PCSK5: variants seen among roughly 807,000 people sequenced by gnomAD.
PCSK5 encodes prohormone convertase 5.
PCSK5 carries 129 observed loss-of-function variants against 233.2 expected under a neutral mutation model. The observed-to-expected ratio is 0.55, with a 90% CI of 0.48 to 0.64. The LOEUF (loss-of-function observed/expected upper bound fraction) is 0.64, where lower values mean the gene tolerates loss of function less well. Among genes scored for constraint, PCSK5 ranks in the 30% least tolerant of loss-of-function variants. The pLI is 0.00. For synonymous variants in PCSK5, 825 were observed against 879.2 expected, an observed-to-expected ratio of 0.94 and a Z score of 1.09; for missense variants, 2,076 against 2,430.1, an observed-to-expected ratio of 0.85 and a Z score of 3.06.
intron 1 of PCSK5, among the ~76,000 whole-genome samples, chr9:75,929,591 T>G (rs1378084220): frequency 6.6e-6 from 1 of 151,646 alleles, no homozygotes. Flanking sequence ...GTGCCGCAGG[T>G]GGAGGGAGCA....
At chr9:75,931,987 G>A (rs1401455712) in intron 1 of PCSK5, among the ~76,000 whole-genome samples, 1 of 152,144 alleles carries the variant, frequency 6.6e-6, no homozygotes, top group East Asian at 1.9e-4. Flanking sequence ...ACATTTCTCA[G>A]AGCAAACAAA....
At chr9:76,303,048 T>G (rs1020116994) in intron 28 of PCSK5, among the ~76,000 whole-genome samples, 1 of 112,354 alleles carries the variant, frequency 8.9e-6, no homozygotes, top group African/African-American at 3.2e-5. Context: ...CGGTTAAAAT[T>G]TACTTGTTGA....
intron 20 of PCSK5, among the ~76,000 whole-genome samples, chr9:76,196,991 C>G (rs1343461529): frequency 1.3e-5 from 2 of 152,156 alleles, no homozygotes; most frequent in Non-Finnish European, 2.9e-5. Flanking sequence ...TTGGACTGGT[C>G]AGTTCCCTAA....
At chr9:76,316,466 G>A (rs894954904) in intron 30 of PCSK5, among the ~76,000 whole-genome samples, 1 of 151,866 alleles carries the variant, frequency 6.6e-6, no homozygotes, top group Non-Finnish European at 1.5e-5. Context: ...AGGTACACCT[G>A]TAATCCCAGC....
intron 2 of PCSK5, among the ~76,000 whole-genome samples, chr9:75,968,349 G>T (rs58107632): frequency 0.14 from 20,969 of 152,198 alleles, 1,507 homozygotes; most frequent in East Asian, 0.26. Flanking sequence ...TATATCGCTC[G>T]CGCGTTAACA....
At chr9:76,347,902 T>G (rs1587362314) in intron 35 of PCSK5, among the ~76,000 whole-genome samples, 1 of 152,290 alleles carries the variant, frequency 6.6e-6, no homozygotes, top group East Asian at 1.9e-4. Context: ...AAATTATAAT[T>G]ATATATATTT....
At chr9:75,968,577 C>CT (rs1825692164) in intron 2 of PCSK5, among the ~76,000 whole-genome samples, 1 of 152,170 alleles carries the variant, frequency 6.6e-6, no homozygotes, top group African/African-American at 2.4e-5. Context: ...GGAAGATGCC[C>CT]TCACCTAGAA....
chr9:76,171,880 T>A (rs1201058030), intron 13 of PCSK5, among the ~76,000 whole-genome samples: 1 of 152,104 alleles, frequency 6.6e-6, no homozygotes, highest in Non-Finnish European at 1.5e-5. Context: ...AACCTTTCAT[T>A]TCAGGATTAG....
Position 76,169,672 on chromosome 9 carries a change from A to G in PCSK5, c.1620-32A>G, listed in dbSNP as rs781302224. On this transcript the variant is annotated intron_variant, in intron 12 of 37. Coordinates refer to ENST00000674117, the MANE Select transcript of PCSK5 (RefSeq NM_001372043.1). ...ACTAGACCCTCATTGGATTTGAAAT[A>G]TCGCACATAACAATGTTTTGTTCAC... The G allele has an allele frequency of 4.4e-6, 7 of 1,608,346 alleles. No homozygotes were observed. The African/African-American group carries it at 6.7e-5, about 15-fold the overall frequency.
chr9:76,227,475 A>T lies in PCSK5; in HGVS notation c.2627-28A>T, dbSNP rs761335868. 2.0e-6 allele frequency: 3 copies of T among 1,517,372 alleles called. No individual in the cohort carries two copies. In the East Asian group the frequency reaches 6.8e-5, roughly 35 times the overall value. The allele number at this position is 1,517,372 out of a possible 1,614,324, so 94.0% of individuals were successfully genotyped here. A position where few individuals can be genotyped will look rare whatever the true frequency, so the allele number is the denominator to read the frequency against. On this transcript the variant is annotated intron_variant, in intron 20 of 37. Transcript: ENST00000674117. ...CAGGCAGGCTTGCCATGTAGAAATG[A>T]AATAAACAACTAGATTTTGTTCCCC...
rs201456283 is a variant in PCSK5, at chr9:76,289,469, CCACACACA to C, written c.3143-2730_3143-2723del. 9.0e-3 allele frequency among the ~76,000 whole-genome samples: 1,170 copies of C among 129,912 alleles called. 18 individuals are homozygous for C. The highest frequency in any genetic ancestry group is 0.027 in the African/African-American group (869 of 32,264). 85.2% of individuals were successfully genotyped at this position (129,912 alleles called of 152,430 possible). A position where few individuals can be genotyped will look rare whatever the true frequency, so the allele number is the denominator to read the frequency against. Reference sequence around the variant, plus strand: ...TAAGACTCCCTTCCCATTCCCCTCACCACACACACACACACACACACACACACACACAC... The same window carrying C: ...TAAGACTCCCTTCCCATTCCCCTCACCACACACACACACACACACACACAC... On this transcript the variant is annotated intron_variant, in intron 24 of 37. Coordinates refer to ENST00000674117, the MANE Select transcript of PCSK5 (RefSeq NM_001372043.1).
At chr9:75,954,706 C>T (rs1359417624) in intron 2 of PCSK5, among the ~76,000 whole-genome samples, 2 of 152,078 alleles carry the variant, frequency 1.3e-5, no homozygotes, top group Non-Finnish European at 2.9e-5. Context: ...ACACACATAC[C>T]CCGTGGAAGC....
chr9:76,273,611 G>A (rs191632446), intron 24 of PCSK5, among the ~76,000 whole-genome samples: 52 of 132,232 alleles, frequency 3.9e-4, no homozygotes, highest in Middle Eastern at 4.1e-3. Context: ...ACTGCTTCTT[G>A]AAATTAATCA....
intron 1 of PCSK5, among the ~76,000 whole-genome samples, chr9:75,900,381 T>C (rs981012190): frequency 6.6e-5 from 10 of 152,256 alleles, no homozygotes; most frequent in Admixed American, 1.3e-4. Flanking sequence ...TATTATATCT[T>C]GTTTAAAATT....
intron 5 of PCSK5, 69 bp from the exon 6 acceptor site, chr9:76,067,886 G>A: frequency 8.3e-7 from 1 of 1,199,692 alleles, no homozygotes; most frequent in South Asian, 1.2e-5. Flanking sequence ...TCTGAGTGGT[G>A]GCAGTGACGC....
intron 10 of PCSK5, among the ~76,000 whole-genome samples, chr9:76,141,168 A>G (rs987639915): frequency 8.5e-5 from 13 of 152,114 alleles, no homozygotes; most frequent in Non-Finnish European, 1.8e-4. Context: ...CAAGTAATGA[A>G]ATTGAACCAC....
chr9:75,974,323 C>T (rs1378525034), intron 2 of PCSK5, among the ~76,000 whole-genome samples: 1 of 152,148 alleles, frequency 6.6e-6, no homozygotes, highest in Non-Finnish European at 1.5e-5. Context: ...TGTGCTATGA[C>T]CCGCAAGTTT....
chr9:76,065,901 G>C (rs936355027), intron 5 of PCSK5, among the ~76,000 whole-genome samples: 5 of 152,058 alleles, frequency 3.3e-5, no homozygotes, highest in African/African-American at 1.2e-4. Flanking sequence ...ATTTATGGAA[G>C]AGCCTATTCT....
chr9:76,281,896 A>T (rs1287183253), intron 24 of PCSK5, among the ~76,000 whole-genome samples: 1 of 151,216 alleles, frequency 6.6e-6, no homozygotes, highest in Non-Finnish European at 1.5e-5. Flanking sequence ...TAATCCAATC[A>T]CCTCAACCTC....
Sources: gnomAD v4.1 joint callset for allele counts (sites outside exome capture counted in the v4.1 genomes callset) on GRCh38, gnomAD v4.1.1 for gene constraint, MANE v1.5 for transcripts, NCBI Gene and HGNC (gene_info 2026-07-23, HGNC 2026-07-21) for gene names.